Variants in NFASC observed in about 807,000 individuals in gnomAD.
NFASC encodes neurofascin homolog.
A neutral mutation model predicts 147.5 loss-of-function variants in NFASC; 43 were observed. The observed-to-expected ratio is 0.29, with a 90% CI of 0.23 to 0.38. The LOEUF (loss-of-function observed/expected upper bound fraction) is 0.38. NFASC is among the 10% of genes least tolerant of loss of function. NFASC has a pLI of 1.00. For synonymous variants in NFASC, 622 were observed against 665.5 expected, an observed-to-expected ratio of 0.93 and a Z score of 1.01; for missense variants, 1,320 against 1,689.0, an observed-to-expected ratio of 0.78 and a Z score of 3.83.
At chr1:204,901,531 G>A (rs1371744830) in intron 1 of NFASC, among the ~76,000 whole-genome samples, 1 of 152,136 alleles carries the variant, frequency 6.6e-6, no homozygotes, top group African/African-American at 2.4e-5. Flanking sequence ...TTGAGGTCAT[G>A]GATGACCTTG....
In NFASC at chr1:204,975,675, T is replaced by C. The variant is rs1340796454; in HGVS notation, c.1706+257T>C. Among the ~76,000 whole-genome samples, 1 of 152,008 alleles carries C rather than the reference T, an allele frequency of 6.6e-6. No homozygotes were observed. Among genetic ancestry groups the C allele is most frequent in the Non-Finnish European group, 1.5e-5 (1 of 67,994 alleles). Reference sequence around the variant, plus strand: ...CTACACCTCCTCTCTCTCCCTCTTCTCAATCTCTTCACTTCTCCTCTCCCT... The same window carrying C: ...CTACACCTCCTCTCTCTCCCTCTTCCCAATCTCTTCACTTCTCCTCTCCCT... On this transcript the variant is annotated intron_variant, in intron 15 of 29. Transcript: ENST00000339876. The surrounding 1 kb of genome is among the most constrained non-coding windows in gnomAD (Gnocchi z 4.0).
chr1:205,017,637 G>C lies in NFASC; in HGVS notation c.*1098G>C, dbSNP rs1166385984. ...CCTGTGATGCAAAAGCTTTGCTGGT[G>C]TGTTTGGGGCATAAGGCACTGCTCC... On this transcript the variant is annotated 3_prime_UTR_variant, in exon 30 of 30. Coordinates refer to ENST00000339876, the MANE Select transcript of NFASC (RefSeq NM_001005388.3). 6.5e-6 allele frequency: 1 copy of C among 152,722 alleles called. No homozygotes were observed. The highest frequency in any genetic ancestry group is 1.9e-4 in the East Asian group (1 of 5,192). 9.5% of individuals were successfully genotyped at this position (152,722 alleles called of 1,614,324 possible).
chr1:204,843,502 G>A (rs948411624), intron 1 of NFASC, among the ~76,000 whole-genome samples: 2 of 151,650 alleles, frequency 1.3e-5, no homozygotes, highest in African/African-American at 4.8e-5. Flanking sequence ...GATTGTTTTT[G>A]CTCCAAATCA....
intron 2 of NFASC, among the ~76,000 whole-genome samples, chr1:204,934,806 C>T (rs2092692779): frequency 6.6e-6 from 1 of 152,182 alleles, no homozygotes; most frequent in Non-Finnish European, 1.5e-5. Context: ...TAATCAGGGC[C>T]CAGCCCTGGA....
chr1:204,911,830 G>A (rs1411911266), intron 1 of NFASC, among the ~76,000 whole-genome samples: 2 of 152,032 alleles, frequency 1.3e-5, no homozygotes, highest in Non-Finnish European at 2.9e-5. Context: ...CAGATTATCT[G>A]TTACATATTG....
At chr1:204,909,888 G>A (rs2086930550) in intron 1 of NFASC, among the ~76,000 whole-genome samples, 1 of 151,272 alleles carries the variant, frequency 6.6e-6, no homozygotes, top group Admixed American at 6.6e-5. Context: ...AATCAGTTAA[G>A]TATATGTGTG....
In NFASC at chr1:204,888,457, C is replaced by CA. The variant is rs529648669; in HGVS notation, c.-199-32170dup. Among the ~76,000 whole-genome samples, 76 of 152,228 alleles carry CA rather than the reference C, an allele frequency of 5.0e-4. 1 individual carries two copies. In the East Asian group the frequency reaches 0.014, roughly 28 times the overall value. On this transcript the variant is annotated intron_variant, in intron 1 of 29. Transcript: ENST00000339876. ...AGCTGAAGAAAACAGTCACAGAGAA[C>CA]AAAAAGCAGATTGGTCATTTCAAAC...
chr1:204,842,947 T>C (rs1675799738), intron 1 of NFASC, among the ~76,000 whole-genome samples: 1 of 152,218 alleles, frequency 6.6e-6, no homozygotes, highest in African/African-American at 2.4e-5. Flanking sequence ...GAATGAATGC[T>C]GTATGCTGGG....
In NFASC at chr1:205,022,770, ATTTCT is replaced by A. The variant is rs1447419094; in HGVS notation, c.*6235_*6239del. ...TTTTTGAATCACTGTAAAAAAACTG[ATTTCT>A]TTTGTATAGAGAACACTAAACGTAT... On this transcript the variant is annotated 3_prime_UTR_variant, in exon 30 of 30. Transcript: ENST00000339876. 2 of 152,604 alleles carry A rather than the reference ATTTCT, an allele frequency of 1.3e-5. No individual in the cohort carries two copies. The highest frequency in any genetic ancestry group is 2.4e-5 in the African/African-American group (1 of 41,432). The allele number at this position is 152,604 out of a possible 1,614,324, so 9.5% of individuals were successfully genotyped here.
At chr1:204,932,727 TCA>T (rs2092475439) in intron 2 of NFASC, among the ~76,000 whole-genome samples, 1 of 152,196 alleles carries the variant, frequency 6.6e-6, no homozygotes, top group Non-Finnish European at 1.5e-5. Context: ...AGTGCGTGCC[TCA>T]CAAAGCCTAA....
intron 24 of NFASC, among the ~76,000 whole-genome samples, chr1:204,992,534 T>G (rs1390744620): frequency 1.3e-5 from 2 of 152,084 alleles, no homozygotes; most frequent in African/African-American, 4.8e-5. Flanking sequence ...CCCCAGTGCC[T>G]CCCCACAAGG....
At chr1:204,906,845 G>A (rs1354302463) in intron 1 of NFASC, among the ~76,000 whole-genome samples, 4 of 151,994 alleles carry the variant, frequency 2.6e-5, no homozygotes, top group Non-Finnish European at 5.9e-5. Flanking sequence ...CACCCTGCCC[G>A]GCTAATTTTT....
chr1:204,830,657 T>TAGAGAGAGAG lies in NFASC; in HGVS notation c.-200+1887_-200+1896dup, dbSNP rs10671660. On this transcript the variant is annotated intron_variant, in intron 1 of 29. Coordinates refer to ENST00000339876, the MANE Select transcript of NFASC (RefSeq NM_001005388.3). The stretch of plus-strand genomic sequence containing the variant: ...GTGTGTGTGTTGTGTGATGTGTGTA[T>TAGAGAGAGAG]AGAGAGAGAGAGAGAGAGAGAATTA... 8.3e-3 allele frequency among the ~76,000 whole-genome samples: 1,223 copies of TAGAGAGAGAG among 147,194 alleles called. 15 individuals carry two copies. Among genetic ancestry groups the TAGAGAGAGAG allele is most frequent in the African/African-American group, 0.027 (1,066 of 39,858 alleles).
chr1:204,843,323 G>T (rs1271452529), intron 1 of NFASC, among the ~76,000 whole-genome samples: 1 of 152,154 alleles, frequency 6.6e-6, no homozygotes, highest in African/African-American at 2.4e-5. Context: ...ATCCACTTAA[G>T]AAATAATACA....
At chr1:204,853,182 T>C (rs1007870005) in intron 1 of NFASC, among the ~76,000 whole-genome samples, 1 of 152,182 alleles carries the variant, frequency 6.6e-6, no homozygotes, top group Non-Finnish European at 1.5e-5. Flanking sequence ...CTTCCTAATT[T>C]TTATTTAGTC....
intron 1 of NFASC, among the ~76,000 whole-genome samples, chr1:204,888,376 T>C (rs2148993039): frequency 6.6e-6 from 1 of 152,332 alleles, no homozygotes; most frequent in East Asian, 1.9e-4. Context: ...TTCTTTAAAA[T>C]GGAATGAGTG....
chr1:204,926,404 A>G (rs57160295), intron 2 of NFASC, among the ~76,000 whole-genome samples: 1 of 9,712 alleles, frequency 1.0e-4, no homozygotes, highest in African/African-American at 2.5e-4. Context: ...ATATATATAT[A>G]TATTTTTTTT....
At chr1:204,922,039 G>C (rs1044934972) in intron 2 of NFASC, among the ~76,000 whole-genome samples, 7 of 152,156 alleles carry the variant, frequency 4.6e-5, no homozygotes, top group Non-Finnish European at 7.3e-5. Context: ...CGGGCAGGGG[G>C]TGCATGCCAT....
intron 8 of NFASC, among the ~76,000 whole-genome samples, chr1:204,965,927 GC>G (rs969233227): frequency 1.3e-5 from 2 of 152,186 alleles, no homozygotes; most frequent in African/African-American, 4.8e-5. Flanking sequence ...AGCCTCAGTT[GC>G]CTCTGCTGAA....
Sources: gnomAD v4.1 joint callset for allele counts (sites outside exome capture counted in the v4.1 genomes callset) on GRCh38, gnomAD v4.1.1 for gene constraint, Gnocchi (gnomAD v3.1) non-coding constraint, MANE v1.5 for transcripts, NCBI Gene and HGNC (gene_info 2026-07-23, HGNC 2026-07-21) for gene names.